The following DLGAP1 variants were observed in gnomAD, a reference collection of about 807,000 sequenced individuals.
DLGAP1 encodes the protein disks large-associated protein 1.
DLGAP1 carries 11 observed loss-of-function variants against 90.8 expected under a neutral mutation model. The observed-to-expected ratio is 0.12, with a 90% CI of 0.08 to 0.20. The LOEUF (loss-of-function observed/expected upper bound fraction) is 0.20, where lower values mean the gene tolerates loss of function less well. Among genes scored for constraint, DLGAP1 ranks in the 10% least tolerant of loss-of-function variants. The pLI, the probability that DLGAP1 is intolerant of heterozygous loss-of-function variation, is 1.00. For synonymous variants in DLGAP1, 558 were observed against 540.7 expected (o/e 1.03, Z -0.44); for missense variants, 1,050 against 1,333.8 (o/e 0.79, Z 3.31).
intron 5 of DLGAP1, among the ~76,000 whole-genome samples, chr18:3,755,414 A>G (rs1225672701): frequency 6.6e-6 from 1 of 152,180 alleles, no homozygotes; most frequent in Non-Finnish European, 1.5e-5. Context: ...CAAAGACACA[A>G]ATAGGTTGAA....
At chr18:3,724,728 T>C (rs2062097637) in intron 7 of DLGAP1, among the ~76,000 whole-genome samples, 1 of 151,154 alleles carries the variant, frequency 6.6e-6, no homozygotes, top group African/African-American at 2.4e-5. Context: ...CAGAGCAAGA[T>C]CCCATCTCAA....
chr18:4,154,058 C>T (rs1276295417), intron 1 of DLGAP1, among the ~76,000 whole-genome samples: 1 of 151,970 alleles, frequency 6.6e-6, no homozygotes, highest in African/African-American at 2.4e-5. Flanking sequence ...CTTTCATGGG[C>T]TCATGTATCC....
chr18:4,353,135 C>CCT (rs1349462677), intron 1 of DLGAP1, among the ~76,000 whole-genome samples: 2 of 152,096 alleles, frequency 1.3e-5, no homozygotes, highest in Non-Finnish European at 2.9e-5. Context: ...AAATACAAGC[C>CCT]CTCACACACC....
intron 2 of DLGAP1, among the ~76,000 whole-genome samples, chr18:4,011,006 T>A (rs1215720213): frequency 6.6e-6 from 1 of 151,706 alleles, no homozygotes. Flanking sequence ...TGAAATCCCG[T>A]CTCTACTAAA....
At chr18:3,874,287 C>T in intron 4 of DLGAP1, 2 of 1,547,576 alleles carry the variant, frequency 1.3e-6, no homozygotes, top group Admixed American at 2.0e-5. Context: ...GTCTTGCTCT[C>T]TCTCTCGCTC....
At chr18:3,881,574 G>T (rs1019192204) in intron 3 of DLGAP1, among the ~76,000 whole-genome samples, 1 of 152,132 alleles carries the variant, frequency 6.6e-6, no homozygotes, top group African/African-American at 2.4e-5. Flanking sequence ...AGCCATGTAA[G>T]CACACAGTAA....
intron 1 of DLGAP1, among the ~76,000 whole-genome samples, chr18:4,414,616 C>T (rs1265894098): frequency 6.6e-6 from 1 of 151,700 alleles, no homozygotes; most frequent in Non-Finnish European, 1.5e-5. Flanking sequence ...ATCCCAGCTA[C>T]TCGGGAGGCT....
chr18:3,884,051 C>T (rs4798140), intron 3 of DLGAP1, among the ~76,000 whole-genome samples: 12,259 of 152,056 alleles, frequency 0.081, 622 homozygotes, highest in South Asian at 0.17. Flanking sequence ...AAGGAAGAAC[C>T]GATAGGTAAA....
chr18:3,587,781 G>A (rs904270673), intron 7 of DLGAP1, among the ~76,000 whole-genome samples: 5 of 152,032 alleles, frequency 3.3e-5, no homozygotes, highest in African/African-American at 9.7e-5. Flanking sequence ...AAACAACTCC[G>A]CACACACCAG....
chr18:3,719,498 A>G (rs756007474), intron 7 of DLGAP1, among the ~76,000 whole-genome samples: 3 of 144,258 alleles, frequency 2.1e-5, no homozygotes, highest in Non-Finnish European at 4.5e-5. Context: ...CAGAGCTTGC[A>G]GTGAGCTGAG....
At chr18:4,060,979 CT>C (rs2075290175) in intron 2 of DLGAP1, among the ~76,000 whole-genome samples, 1 of 152,200 alleles carries the variant, frequency 6.6e-6, no homozygotes, top group Admixed American at 6.5e-5. Context: ...CGACTCTTAA[CT>C]GTACAACTTG....
At chr18:4,164,364 A>G (rs1336625791) in intron 1 of DLGAP1, among the ~76,000 whole-genome samples, 1 of 152,210 alleles carries the variant, frequency 6.6e-6, no homozygotes, top group Admixed American at 6.5e-5. Context: ...TAAAACAGCT[A>G]TCATAAGACT....
At chr18:3,766,186 C>T (rs940983490) in intron 5 of DLGAP1, among the ~76,000 whole-genome samples, 1 of 152,018 alleles carries the variant, frequency 6.6e-6, no homozygotes, top group Admixed American at 6.6e-5. Flanking sequence ...AGTTGCTCTA[C>T]TAGTATCAGA....
chr18:3,967,775 A>T (rs956415046), intron 3 of DLGAP1, among the ~76,000 whole-genome samples: 1 of 152,178 alleles, frequency 6.6e-6, no homozygotes, highest in East Asian at 1.9e-4. Context: ...AGCTATTTTT[A>T]AAAATTCGAG....
At chr18:4,058,550 C>T (rs1450210273) in intron 2 of DLGAP1, among the ~76,000 whole-genome samples, 1 of 152,180 alleles carries the variant, frequency 6.6e-6, no homozygotes, top group Non-Finnish European at 1.5e-5. Context: ...ATTAGCACCC[C>T]TTTGGGAGGA....
rs1272096364 is a variant in DLGAP1, at chr18:3,729,336, A to C, written c.1390T>G (p.Cys464Gly). 6.2e-7 allele frequency: 1 copy of C among 1,614,020 alleles called. No homozygotes were observed. The highest frequency in any genetic ancestry group is 1.1e-5 in the South Asian group (1 of 91,068). Residue 464 changes from cysteine to glycine, a missense_variant, in exon 7 of 13, where the codon TGC becomes GGC. Physicochemically the swap from Cys to Gly is radical, Grantham distance 159. Coordinates refer to ENST00000315677, the MANE Select transcript of DLGAP1 (RefSeq NM_004746.4). The surrounding 1 kb of genome is among the most constrained non-coding windows in gnomAD (Gnocchi z 6.2). Reference sequence around the variant, plus strand: ...TCCAGCTCGCTGAACACGGACTCGCACACGGACTCGAACTGCCCGTTCACT... The same window carrying C: ...TCCAGCTCGCTGAACACGGACTCGCCCACGGACTCGAACTGCCCGTTCACT... ...MEVNGQFESV[C>G]ESVFSELESQ...
chr18:3,531,163 G>A (rs780960750), intron 10 of DLGAP1, among the ~76,000 whole-genome samples: 11 of 152,266 alleles, frequency 7.2e-5, no homozygotes, highest in Non-Finnish European at 1.3e-4. Context: ...TTGGCCGGGC[G>A]CTGTGGCTCA....
Position 4,201,126 on chromosome 18 carries a change from T to C in DLGAP1, c.-266-49839A>G, listed in dbSNP as rs193174150. ...TCTTTCTGTTGACGACTTTTTTTTG[T>C]TGTTCAGAAGCTTTTTAGTTTAGTT... On this transcript the variant is annotated intron_variant, in intron 1 of 12. Coordinates refer to ENST00000315677, the MANE Select transcript of DLGAP1 (RefSeq NM_004746.4). Among the ~76,000 whole-genome samples the C allele has an allele frequency of 2.0e-3, 297 of 151,940 alleles. 3 individuals carry two copies. Among genetic ancestry groups the C allele is most frequent in the African/African-American group, 6.9e-3 (283 of 41,282 alleles).
At chr18:3,546,114 C>A (rs1278499363) in intron 9 of DLGAP1, among the ~76,000 whole-genome samples, 3 of 152,076 alleles carry the variant, frequency 2.0e-5, no homozygotes, top group African/African-American at 7.2e-5. Context: ...ACCTTATTGG[C>A]ATTTATAGAG....
Sources: allele counts gnomAD v4.1 joint callset (sites outside exome capture counted in the v4.1 genomes callset), GRCh38; gene constraint gnomAD v4.1.1; non-coding constraint Gnocchi (gnomAD v3.1); transcripts MANE v1.5; gene names NCBI Gene and HGNC (gene_info 2026-07-23, HGNC 2026-07-21).